The following SPAG4 variants were observed in gnomAD, a reference collection of about 807,000 sequenced individuals.
SPAG4 encodes the protein sperm associated antigen 4, also known as sperm-associated antigen 4 protein.
Under a neutral mutation model 53.9 loss-of-function variants are expected in SPAG4, and 54 were observed. That is an observed-to-expected ratio of 1.00 (90% CI 0.80 to 1.26). The LOEUF (loss-of-function observed/expected upper bound fraction) is 1.26, where lower values mean the gene tolerates loss of function less well. SPAG4 is among the 50% of genes most tolerant of loss of function. The probability of loss-of-function intolerance (pLI) is 0.00; values close to 1 mark genes in which losing one functional copy is unlikely to be tolerated. For synonymous variants in SPAG4, 246 were observed against 237.4 expected (o/e 1.04, Z -0.33); for missense variants, 548 against 568.6 (o/e 0.96, Z 0.37).
At position 35,621,068 on chromosome 20, in the gene SPAG4, G is replaced by C. The variant is rs780177225; in HGVS notation, c.*46G>C. The stretch of plus-strand genomic sequence containing the variant: ...GAATTGAGTTCTGCTGAAGGATACT[G>C]GATCAGTGCTTTCGGGGGCTCTGTT... On this transcript the variant is annotated 3_prime_UTR_variant, in exon 12 of 12. Transcript: ENST00000374273. 2.5e-5 allele frequency: 40 copies of C among 1,594,306 alleles called. No individual in the cohort carries two copies. Among genetic ancestry groups the C allele is most frequent in the Non-Finnish European group, 3.0e-5 (35 of 1,163,962 alleles).
rs1027807796 is a variant in SPAG4 at position 35,618,824 on chromosome 20, G to A, written c.718-99G>A. The A allele has an allele frequency of 7.6e-6, 11 of 1,443,072 alleles. No individual in the cohort carries two copies. In the African/African-American group the frequency reaches 1.3e-4, roughly 17 times the overall value. 89.4% of individuals were successfully genotyped at this position (1,443,072 alleles called of 1,614,324 possible). A position where few individuals can be genotyped will look rare whatever the true frequency, so the allele number is the denominator to read the frequency against. ...CTGCGGGATTTCTCCCGGTGCCCACGAAGTCCATCCCAAAGCAACCAGCTC... is the reference window on the plus strand; with the variant it reads ...CTGCGGGATTTCTCCCGGTGCCCACAAAGTCCATCCCAAAGCAACCAGCTC... On this transcript the variant is annotated intron_variant, in intron 7 of 11. Coordinates refer to ENST00000374273, the MANE Select transcript of SPAG4 (RefSeq NM_003116.3).
chr20:35,615,945 G>A lies in SPAG4; in HGVS notation c.-59G>A. 1.3e-6 allele frequency: 2 copies of A among 1,567,446 alleles called. No individual in the cohort carries two copies. The highest frequency in any genetic ancestry group is 1.7e-6 in the Non-Finnish European group (2 of 1,152,676). ...CGCGCAGCGGCTGAAGGAGGCCCCA[G>A]GGCCTTGGCGACCGCAGCGGCGGCT... On this transcript the variant is annotated 5_prime_UTR_variant, in exon 1 of 12. Coordinates refer to ENST00000374273, the MANE Select transcript of SPAG4 (RefSeq NM_003116.3).
At position 35,617,160 on chromosome 20, in the gene SPAG4, C is replaced by A; in HGVS notation, c.329C>A (p.Ser110Tyr). ...GAACCGACTGGGTCTCCAGTAGTCT[C>A]TGAGGAGCCGCTCGACCTTCTCCCG... ...ASEPTGSPVV[S>Y]EEPLDLLPTL... Residue 110 changes from serine (S) to tyrosine (Y), a missense_variant, in exon 2 of 12, where the codon TCT becomes TAT. Coordinates refer to ENST00000374273, the MANE Select transcript of SPAG4 (RefSeq NM_003116.3). 6.3e-7 allele frequency: 1 copy of A among 1,592,282 alleles called. No homozygotes were observed. The highest frequency in any genetic ancestry group is 2.3e-5 in the East Asian group (1 of 43,828).
intron 8 of SPAG4, 29 bp from the exon 9 acceptor site, chr20:35,619,166 C>T: frequency 1.3e-6 from 2 of 1,527,980 alleles, no homozygotes; most frequent in Non-Finnish European, 1.8e-6. Context: ...GGCCTGGGAG[C>T]CTCTGAGGGT....
At chr20:35,618,341 G>C in intron 5 of SPAG4, 109 bp from the exon 6 acceptor site, 1 of 1,418,018 alleles carries the variant, frequency 7.1e-7, no homozygotes, top group Non-Finnish European at 9.8e-7. Flanking sequence ...AGGAGTCGAG[G>C]AAAGGGGACA....
At position 35,619,239 on chromosome 20, in the gene SPAG4, AG is replaced by A; in HGVS notation, c.840del (p.Asn281ThrfsTer42). ...GAAGACATCCCACGATTACGCAGAC[AG>A]GAACACTGCCTACTTCTGGAATCGC... ...LQKTSHDYAD[R>X]NTAYFWNRFS... On this transcript the variant is annotated frameshift_variant, in exon 9 of 12. Coordinates refer to ENST00000374273, the MANE Select transcript of SPAG4 (RefSeq NM_003116.3). LOFTEE classifies it high-confidence loss of function. 2 of 1,613,996 alleles carry A rather than the reference AG, an allele frequency of 1.2e-6. No homozygotes were observed. Among genetic ancestry groups the A allele is most frequent in the Non-Finnish European group, 1.7e-6 (2 of 1,179,992 alleles).
At chr20:35,618,171 T>C in intron 5 of SPAG4, 41 bp downstream of exon 5, 1 of 1,596,044 alleles carries the variant, frequency 6.3e-7, no homozygotes, top group Non-Finnish European at 8.6e-7. Flanking sequence ...GGTTGGCAGG[T>C]TGTGAACCCG....
intron 10 of SPAG4, 21 bp downstream of exon 10, chr20:35,619,767 G>C: frequency 6.3e-7 from 1 of 1,592,346 alleles, no homozygotes; most frequent in African/African-American, 1.3e-5. Flanking sequence ...ACGAGGTCAG[G>C]AGGTGGGGGA....
In SPAG4 at chr20:35,621,019, T is replaced by G. The variant is rs1328649544; in HGVS notation, c.1311T>G (p.His437Gln). ...EGAEGSAQGP[H>Q] is the part of the protein sequence containing the mutation. ...CAGAGGGCAGTGCACAGGGGCCCCA[T>G]TAAACATGCTGATTTTTGGAGTAGA... The change falls in exon 12 of 12, where the codon CAT (histidine) becomes CAG (glutamine). Residue 437 changes from histidine (H) to glutamine (Q), a missense_variant. By Grantham distance (24) the His-to-Gln change is conservative. Transcript: ENST00000374273. 9 of 1,613,326 alleles carry G rather than the reference T, an allele frequency of 5.6e-6. No individual in the cohort carries two copies. Among genetic ancestry groups the G allele is most frequent in the Non-Finnish European group, 7.6e-6 (9 of 1,179,326 alleles).
Position 35,617,185 on chromosome 20 carries a change from G to T in SPAG4, c.354G>T (p.Pro118=), listed in dbSNP as rs764920504. Reference sequence around the variant, plus strand: ...CTGAGGAGCCGCTCGACCTTCTCCCGACCCTGGATCTGAGGCAGGAGATGC... The same window carrying T: ...CTGAGGAGCCGCTCGACCTTCTCCCTACCCTGGATCTGAGGCAGGAGATGC... ...VVSEEPLDLL[P]TLDLRQEMPP... The change falls in exon 2 of 12, where the codon CCG becomes CCT. Residue 118 remains proline (P), a synonymous_variant. Transcript: ENST00000374273. 73 of 1,601,540 alleles carry T rather than the reference G, an allele frequency of 4.6e-5. No individual in the cohort carries two copies. Among genetic ancestry groups the T allele is most frequent in the African/African-American group, 1.3e-5 (1 of 74,684 alleles).
rs2031364135 is a variant in SPAG4, at chr20:35,616,122, C to T, written c.119C>T (p.Ala40Val). 1.3e-6 allele frequency: 2 copies of T among 1,584,878 alleles called. No individual in the cohort carries two copies. Among genetic ancestry groups the T allele is most frequent in the Non-Finnish European group, 1.7e-6 (2 of 1,167,844 alleles). Residue 40 changes from alanine to valine, a missense_variant, in exon 1 of 12, where the codon GCG becomes GTG. By Grantham distance (64) the Ala-to-Val change is moderately conservative (BLOSUM62 0). Coordinates refer to ENST00000374273, the MANE Select transcript of SPAG4 (RefSeq NM_003116.3). ...TSEDSKGLRSAEPGPGEPEGR... is the reference protein window; with the variant it reads ...TSEDSKGLRSVEPGPGEPEGR... ...GAGGACAGCAAAGGGCTCCGGTCAGCGGAGCCCGGGCCTGGGGAGCCCGAG... is the reference window on the plus strand; with the variant it reads ...GAGGACAGCAAAGGGCTCCGGTCAGTGGAGCCCGGGCCTGGGGAGCCCGAG...
In SPAG4 at chr20:35,616,202, C is replaced by T. The variant is rs755698701; in HGVS notation, c.199C>T (p.Pro67Ser). ...CGEPALSAGV[P>S]GGTTWAGSSQ... Reference sequence around the variant, plus strand: ...TGAGCCCGCCTTGAGCGCGGGAGTGCCCGGAGGAACCACATGGGCAGGAAG... The same window carrying T: ...TGAGCCCGCCTTGAGCGCGGGAGTGTCCGGAGGAACCACATGGGCAGGAAG... Residue 67 changes from proline (P) to serine (S), a missense_variant, in exon 1 of 12, where the codon CCC becomes TCC. Transcript: ENST00000374273. 8 of 1,584,822 alleles carry T rather than the reference C, an allele frequency of 5.0e-6. No homozygotes were observed. The highest frequency in any genetic ancestry group is 4.5e-5 in the South Asian group (4 of 88,394).
At chr20:35,620,414 G>A (rs2031535168) in intron 10 of SPAG4, among the ~76,000 whole-genome samples, 1 of 152,086 alleles carries the variant, frequency 6.6e-6, no homozygotes, top group South Asian at 2.1e-4. Context: ...TTTCTTCCCG[G>A]GAGGTGGAGC....
chr20:35,619,427 T>C, intron 9 of SPAG4, 117 bp downstream of exon 9: 1 of 1,385,412 alleles, frequency 7.2e-7, no homozygotes, highest in Non-Finnish European at 1.0e-6. Flanking sequence ...GGCGTTTAAC[T>C]CAAGGAGAGA....
intron 8 of SPAG4, 75 bp downstream of exon 8, chr20:35,619,073 G>T: frequency 6.8e-7 from 1 of 1,480,618 alleles, no homozygotes; most frequent in Non-Finnish European, 9.4e-7. Context: ...ACAGACCCAT[G>T]CACCTGACCG....
rs747203287 is a variant in SPAG4, at chr20:35,621,069, G to C, written c.*47G>C. The C allele has an allele frequency of 6.3e-7, 1 of 1,594,186 alleles. No homozygotes were observed. The highest frequency in any genetic ancestry group is 8.6e-7 in the Non-Finnish European group (1 of 1,163,758). ...AATTGAGTTCTGCTGAAGGATACTG[G>C]ATCAGTGCTTTCGGGGGCTCTGTTG... On this transcript the variant is annotated 3_prime_UTR_variant, in exon 12 of 12. Coordinates refer to ENST00000374273, the MANE Select transcript of SPAG4 (RefSeq NM_003116.3).
At chr20:35,617,895 C>A in intron 4 of SPAG4, 55 bp downstream of exon 4, 1 of 1,564,846 alleles carries the variant, frequency 6.4e-7, no homozygotes, top group Non-Finnish European at 8.8e-7. Flanking sequence ...GGAGGCAAAC[C>A]CAGCACATTT....
At chr20:35,618,317 C>T in intron 5 of SPAG4, 133 bp from the exon 6 acceptor site, 2 of 1,197,970 alleles carry the variant, frequency 1.7e-6, no homozygotes, top group South Asian at 1.3e-5. Flanking sequence ...GGCTCTGATA[C>T]TGGGAGGTCA....
In SPAG4 at chr20:35,619,209, C is replaced by T. The variant is rs755066467; in HGVS notation, c.808C>T (p.Leu270=). Residue 270 remains leucine, a synonymous_variant, in exon 9 of 12, where the codon CTG becomes TTG. Coordinates refer to ENST00000374273, the MANE Select transcript of SPAG4 (RefSeq NM_003116.3). ...ALSSVGASID[L]QKTSHDYADR... Reference sequence around the variant, plus strand: ...CACTGTTCCAGGAGCCTCCATCGACCTGCAGAAGACATCCCACGATTACGC... The same window carrying T: ...CACTGTTCCAGGAGCCTCCATCGACTTGCAGAAGACATCCCACGATTACGC... 9 of 1,612,590 alleles carry T rather than the reference C, an allele frequency of 5.6e-6. No individual in the cohort carries two copies. The highest frequency in any genetic ancestry group is 5.9e-6 in the Non-Finnish European group (7 of 1,179,398).
Sources: gnomAD v4.1 joint callset for allele counts (sites outside exome capture counted in the v4.1 genomes callset) on GRCh38, gnomAD v4.1.1 for gene constraint, MANE v1.5 for transcripts, NCBI Gene and HGNC (gene_info 2026-07-23, HGNC 2026-07-21) for gene names.